ANO10: variants seen among roughly 807,000 people sequenced by gnomAD.
ANO10 encodes the protein anoctamin 10, also known as anoctamin-10.
In ANO10, 77 loss-of-function variants were observed where a neutral mutation model predicts 74.7. The observed-to-expected ratio is 1.03, with a 90% confidence interval of 0.86 to 1.25. ANO10 has a LOEUF of 1.25. ANO10 is among the 50% of genes most tolerant of loss of function. The pLI is 0.00. For missense variants in ANO10, 721 were observed against 778.1 expected (o/e 0.93, Z 0.87); for synonymous variants, 279 against 284.9 (o/e 0.98, Z 0.21).
At chr3:43,508,472 C>T (rs899981816) in intron 11 of ANO10, among the ~76,000 whole-genome samples, 1 of 152,174 alleles carries the variant, frequency 6.6e-6, no homozygotes, top group Admixed American at 6.5e-5. Context: ...ATAAATCATG[C>T]TGCCATAAAG....
intron 12 of ANO10, among the ~76,000 whole-genome samples, chr3:43,399,808 T>C (rs1416382290): frequency 2.6e-5 from 4 of 152,196 alleles, no homozygotes; most frequent in South Asian, 2.1e-4. Flanking sequence ...CTGGGTACCA[T>C]AGCCTTTCCT....
At chr3:43,519,080 G>T (rs1476642439) in intron 11 of ANO10, among the ~76,000 whole-genome samples, 2 of 152,034 alleles carry the variant, frequency 1.3e-5, no homozygotes, top group Non-Finnish European at 2.9e-5. Context: ...CGGACACCCA[G>T]CTTTAAAATT....
chr3:43,524,089 C>T (rs908504473), intron 11 of ANO10, among the ~76,000 whole-genome samples: 9 of 152,106 alleles, frequency 5.9e-5, no homozygotes, highest in African/African-American at 1.9e-4. Context: ...CGGAGATGAG[C>T]AGATGAGTTT....
At chr3:43,477,263 G>A (rs2076100587) in intron 11 of ANO10, among the ~76,000 whole-genome samples, 1 of 152,082 alleles carries the variant, frequency 6.6e-6, no homozygotes, top group African/African-American at 2.4e-5. Context: ...TAATATCAAA[G>A]GTATTGTAGT....
intron 1 of ANO10, chr3:43,652,858 C>G (rs1481888880): frequency 4.6e-5 from 7 of 150,968 alleles, no homozygotes. Context: ...CAATAAATAC[C>G]ATAGTGTTAA....
chr3:43,514,909 G>A (rs149817392), intron 11 of ANO10, among the ~76,000 whole-genome samples: 1 of 152,158 alleles, frequency 6.6e-6, no homozygotes, highest in Non-Finnish European at 1.5e-5. Flanking sequence ...GAATGAAAAA[G>A]TATTTTGCAC....
chr3:43,662,162 C>T (rs1416266627), intron 1 of ANO10, among the ~76,000 whole-genome samples: 1 of 152,168 alleles, frequency 6.6e-6, no homozygotes, highest in Non-Finnish European at 1.5e-5. Flanking sequence ...GGAAGTAAAA[C>T]ACTCCTTAGC....
intron 11 of ANO10, among the ~76,000 whole-genome samples, chr3:43,500,351 C>T (rs1476295047): frequency 3.9e-5 from 6 of 152,170 alleles, no homozygotes; most frequent in Admixed American, 1.3e-4. Flanking sequence ...TTGCAAGCTT[C>T]CATGCTGGTG....
chr3:43,523,732 G>A (rs1013732594), intron 11 of ANO10, among the ~76,000 whole-genome samples: 3 of 152,152 alleles, frequency 2.0e-5, no homozygotes, highest in African/African-American at 7.2e-5. Context: ...TGAAAGCAAC[G>A]AAGGTAAATA....
intron 8 of ANO10, among the ~76,000 whole-genome samples, chr3:43,564,980 A>G (rs1428261146): frequency 1.3e-5 from 2 of 152,202 alleles, no homozygotes; most frequent in East Asian, 1.9e-4. Context: ...CAACTCATCA[A>G]TTCCAAATGT....
intron 1 of ANO10, among the ~76,000 whole-genome samples, chr3:43,679,966 T>C (rs2084172835): frequency 1.3e-5 from 2 of 151,998 alleles, no homozygotes; most frequent in African/African-American, 2.4e-5. Context: ...CAAAGGTAGA[T>C]AAAACCACAA....
In ANO10 at chr3:43,407,497, G is replaced by A. The variant is rs140718736; in HGVS notation, c.1914+25114C>T. On this transcript the variant is annotated intron_variant, in intron 12 of 12. Transcript: ENST00000292246. ...GGCCTATCCCTTAGAATCTTTCCCT[G>A]GGATAACAGGGCTGCCTCAAGCAGC... is the stretch of plus-strand genomic sequence containing the variant. Among the ~76,000 whole-genome samples, 103 of 152,262 alleles carry A rather than the reference G, an allele frequency of 6.8e-4. 2 individuals are homozygous for A. Among genetic ancestry groups the A allele is most frequent in the African/African-American group, 2.0e-3 (85 of 41,538 alleles).
chr3:43,571,194 A>G (rs201750581), intron 7 of ANO10, among the ~76,000 whole-genome samples: 34 of 150,988 alleles, frequency 2.3e-4, no homozygotes, highest in Middle Eastern at 3.4e-3. Flanking sequence ...AACAGGTGCT[A>G]GAGAGGATGT....
Position 43,485,331 on chromosome 3 carries a change from G to C in ANO10, c.1798-52604C>G, listed in dbSNP as rs1034141418. On this transcript the variant is annotated intron_variant, in intron 11 of 12. Coordinates refer to ENST00000292246, the MANE Select transcript of ANO10 (RefSeq NM_018075.5). Reference sequence around the variant, plus strand: ...TCCATACCTCCGGATCCGACAGGGTGTCCGCTGTGCTCCCCATCCAGGGAG... The same window carrying C: ...TCCATACCTCCGGATCCGACAGGGTCTCCGCTGTGCTCCCCATCCAGGGAG... The C allele has an allele frequency of 7.7e-6, 4 of 519,850 alleles. No homozygotes were observed. In the African/African-American group the frequency reaches 7.7e-5, roughly 10 times the overall value. 32.2% of individuals were successfully genotyped at this position (519,850 alleles called of 1,614,324 possible). A position where few individuals can be genotyped will look rare whatever the true frequency, so the allele number is the denominator to read the frequency against.
chr3:43,602,818 C>T (rs1352969477), intron 2 of ANO10, among the ~76,000 whole-genome samples: 1 of 152,132 alleles, frequency 6.6e-6, no homozygotes. Flanking sequence ...TAAGGTCTTC[C>T]TCCCCTCCAT....
intron 11 of ANO10, among the ~76,000 whole-genome samples, chr3:43,514,890 T>C (rs899825625): frequency 2.0e-5 from 3 of 152,036 alleles, no homozygotes; most frequent in Admixed American, 2.0e-4. Flanking sequence ...AAAGAAGAAA[T>C]CAAAAGAAGA....
At chr3:43,462,146 G>A (rs951921469) in intron 11 of ANO10, among the ~76,000 whole-genome samples, 5 of 152,190 alleles carry the variant, frequency 3.3e-5, no homozygotes, top group African/African-American at 1.2e-4. Context: ...TGAGAGAGTT[G>A]ATTTAGGGTA....
At chr3:43,448,568 T>A (rs1362340934) in intron 11 of ANO10, among the ~76,000 whole-genome samples, 1 of 152,224 alleles carries the variant, frequency 6.6e-6, no homozygotes, top group Admixed American at 6.5e-5. Flanking sequence ...CATATAGATG[T>A]ACAACATAAT....
At chr3:43,677,502 G>T (rs999568110) in intron 1 of ANO10, among the ~76,000 whole-genome samples, 1 of 152,218 alleles carries the variant, frequency 6.6e-6, no homozygotes, top group Non-Finnish European at 1.5e-5. Flanking sequence ...GTGATTTGAT[G>T]ATCTATTGCT....
Sources: allele counts gnomAD v4.1 joint callset (sites outside exome capture counted in the v4.1 genomes callset), GRCh38; gene constraint gnomAD v4.1.1; transcripts MANE v1.5; gene names NCBI Gene and HGNC (gene_info 2026-07-23, HGNC 2026-07-21).